The following LRRFIP1 variants were observed in gnomAD, a reference collection of about 807,000 sequenced individuals.
LRRFIP1 encodes leucine-rich repeat flightless-interacting protein 1.
LRRFIP1 carries 62 observed loss-of-function variants against 104.4 expected under a neutral mutation model. The observed-to-expected ratio is 0.59, with a 90% CI of 0.48 to 0.73. The LOEUF (loss-of-function observed/expected upper bound fraction) is 0.73, where lower values mean the gene tolerates loss of function less well. Among genes scored for constraint, LRRFIP1 ranks in the 30% least tolerant of loss-of-function variants. LRRFIP1 has a pLI of 0.00. For missense variants in LRRFIP1, 796 were observed against 824.5 expected (o/e 0.97, Z 0.42); for synonymous variants, 300 against 299.0 (o/e 1.00, Z -0.03).
intron 1 of LRRFIP1, chr2:237,692,426 CGCCGGGTGGAGCGG>C: frequency 1.3e-6 from 2 of 1,491,584 alleles, no homozygotes; most frequent in Non-Finnish European, 1.8e-6. Context: ...GAGCATTTCC[CGCCGGGTGGAGCGG>C]GCCGAGCCCG....
At position 237,768,394 on chromosome 2, in the gene LRRFIP1, G is replaced by C. The variant is rs570719024; in HGVS notation, c.1460-1549G>C. 2.2e-4 allele frequency: 33 copies of C among 152,248 alleles called. 1 individual carries two copies. The South Asian group carries it at 6.4e-3, about 30-fold the overall frequency. The allele number at this position is 152,248 out of a possible 1,614,324, so 9.4% of individuals were successfully genotyped here. A position where few individuals can be genotyped will look rare whatever the true frequency, so the allele number is the denominator to read the frequency against. On this transcript the variant is annotated intron_variant, in intron 19 of 23. Coordinates refer to ENST00000308482, the MANE Select transcript of LRRFIP1 (RefSeq NM_001137550.2). ...GTAGAATATTTGAAGTTTTCTAGAAGAAAACAATAACAATTGTACAATAGA... is the reference window on the plus strand; with the variant it reads ...GTAGAATATTTGAAGTTTTCTAGAACAAAACAATAACAATTGTACAATAGA...
intron 10 of LRRFIP1, 47 bp from the exon 11 acceptor site, chr2:237,739,185 G>C: frequency 6.6e-7 from 1 of 1,516,858 alleles, no homozygotes; most frequent in Non-Finnish European, 8.9e-7. Flanking sequence ...TGCTGACCCT[G>C]TTCCTTTGTT....
chr2:237,663,080 A>G (rs2088371701), intron 1 of LRRFIP1, among the ~76,000 whole-genome samples: 1 of 152,222 alleles, frequency 6.6e-6, no homozygotes. Flanking sequence ...CTGACACTTC[A>G]GTAAAGCTGT....
At chr2:237,741,440 A>T (rs540099892) in intron 11 of LRRFIP1, among the ~76,000 whole-genome samples, 211 of 152,360 alleles carry the variant, frequency 1.4e-3, no homozygotes, top group Non-Finnish European at 2.1e-3. Context: ...AAGCTGACTT[A>T]TGTGATCACT....
At chr2:237,675,650 C>A (rs1346375888) in intron 1 of LRRFIP1, among the ~76,000 whole-genome samples, 4 of 152,048 alleles carry the variant, frequency 2.6e-5, no homozygotes, top group African/African-American at 7.2e-5. Context: ...AGGAAATGAA[C>A]TTTGTTATTT....
intron 1 of LRRFIP1, among the ~76,000 whole-genome samples, chr2:237,699,502 G>A (rs1002520599): frequency 2.0e-5 from 3 of 151,898 alleles, no homozygotes; most frequent in Non-Finnish European, 4.4e-5. Flanking sequence ...ATAGGCATGC[G>A]CCACCATGCC....
At chr2:237,750,898 C>T (rs2058546678) in intron 13 of LRRFIP1, among the ~76,000 whole-genome samples, 1 of 152,118 alleles carries the variant, frequency 6.6e-6, no homozygotes, top group Non-Finnish European at 1.5e-5. Context: ...GAATGAATTA[C>T]TAAATAGGAG....
intron 10 of LRRFIP1, among the ~76,000 whole-genome samples, chr2:237,736,319 A>T (rs1576023965): frequency 6.6e-6 from 1 of 152,360 alleles, no homozygotes; most frequent in East Asian, 1.9e-4. Flanking sequence ...AGTATTTTGC[A>T]GCCCACTATA....
In LRRFIP1 at chr2:237,711,758, G is replaced by A. The variant is rs2094103167; in HGVS notation, c.184-2501G>A. Among the ~76,000 whole-genome samples, 1 of 152,162 alleles carries A rather than the reference G, an allele frequency of 6.6e-6. No homozygotes were observed. The highest frequency in any genetic ancestry group is 6.5e-5 in the Admixed American group (1 of 15,278). On this transcript the variant is annotated intron_variant, in intron 2 of 23. Transcript: ENST00000308482. The surrounding 1 kb of genome is among the most constrained non-coding windows in gnomAD (Gnocchi z 4.4). ...GAGAAATGAACGTGGCCAAGATGGT[G>A]AGTGAGGACACCGAGTGAAGCAGCT...
intron 19 of LRRFIP1, chr2:237,762,622 G>A: frequency 6.2e-7 from 1 of 1,606,974 alleles, no homozygotes; most frequent in Non-Finnish European, 8.5e-7. Flanking sequence ...GTGAAGTGGA[G>A]GTGAAAAATG....
At chr2:237,668,784 G>A (rs1263875495) in intron 1 of LRRFIP1, among the ~76,000 whole-genome samples, 1 of 152,086 alleles carries the variant, frequency 6.6e-6, no homozygotes, top group Admixed American at 6.5e-5. Flanking sequence ...GGTAATTGTT[G>A]CTGAAAGAAA....
intron 11 of LRRFIP1, among the ~76,000 whole-genome samples, chr2:237,746,778 G>A (rs2057926298): frequency 1.3e-5 from 2 of 152,260 alleles, no homozygotes; most frequent in Non-Finnish European, 2.9e-5. Flanking sequence ...GCCGTAAGCA[G>A]CTGGGATTGT....
At chr2:237,678,174 T>C (rs776555852) in intron 1 of LRRFIP1, among the ~76,000 whole-genome samples, 3 of 152,170 alleles carry the variant, frequency 2.0e-5, no homozygotes, top group Non-Finnish European at 4.4e-5. Flanking sequence ...ATCATAACTT[T>C]CAACTAGGAA....
intron 1 of LRRFIP1, chr2:237,692,662 A>AGCGGGCGCAGTGGGC (rs1409381907): frequency 2.5e-6 from 3 of 1,186,318 alleles, no homozygotes; most frequent in African/African-American, 3.3e-5. Flanking sequence ...GCGCGGTGGG[A>AGCGGGCGCAGTGGGC]GCGGGCGCAG....
At chr2:237,669,969 T>A (rs190844376) in intron 1 of LRRFIP1, among the ~76,000 whole-genome samples, 1 of 152,138 alleles carries the variant, frequency 6.6e-6, no homozygotes, top group Non-Finnish European at 1.5e-5. Flanking sequence ...TTTGGACAGA[T>A]TTGAATATTA....
In LRRFIP1 at chr2:237,672,335, C is replaced by T. The variant is rs116284209; in HGVS notation, c.97-36209C>T. 1.8e-3 allele frequency among the ~76,000 whole-genome samples: 279 copies of T among 152,270 alleles called. 1 individual carries two copies. The highest frequency in any genetic ancestry group is 6.5e-3 in the African/African-American group (272 of 41,554). ...GAATTCCTTGAGCGCACACAGCAAG[C>T]TAGCTCTACAATCACTTTAGAGAGT... is the stretch of plus-strand genomic sequence containing the variant. On this transcript the variant is annotated intron_variant, in intron 1 of 23. Coordinates refer to ENST00000308482, the MANE Select transcript of LRRFIP1 (RefSeq NM_001137550.2).
At chr2:237,665,248 G>GA (rs139681894) in intron 1 of LRRFIP1, among the ~76,000 whole-genome samples, 3,179 of 152,102 alleles carry the variant, frequency 0.021, 115 homozygotes, top group African/African-American at 0.072. Flanking sequence ...CTTAAAAAAA[G>GA]AAAAAATGCT....
chr2:237,630,950 C>T (rs917165704), intron 1 of LRRFIP1, among the ~76,000 whole-genome samples: 3 of 152,202 alleles, frequency 2.0e-5, no homozygotes, highest in Admixed American at 2.0e-4. Flanking sequence ...CCCTGGTAAA[C>T]TTTCATGAGT....
chr2:237,771,559 C>CA (rs995112746), intron 20 of LRRFIP1, among the ~76,000 whole-genome samples: 1 of 89,340 alleles, frequency 1.1e-5, no homozygotes, highest in Non-Finnish European at 2.3e-5. Context: ...AATCCCCCCC[C>CA]CCCCCCGCCC....
Sources: gnomAD v4.1 joint callset for allele counts (sites outside exome capture counted in the v4.1 genomes callset) on GRCh38, gnomAD v4.1.1 for gene constraint, Gnocchi (gnomAD v3.1) non-coding constraint, MANE v1.5 for transcripts, NCBI Gene and HGNC (gene_info 2026-07-23, HGNC 2026-07-21) for gene names.